The following ZNF438 variants were observed in gnomAD, a reference collection of about 807,000 sequenced individuals.
ZNF438 encodes zinc finger protein 438.
In ZNF438, 25 loss-of-function variants were observed where a neutral mutation model predicts 38.0. The observed-to-expected ratio is 0.66, with a 90% CI of 0.48 to 0.92. ZNF438 has a LOEUF of 0.92. Among genes scored for constraint, ZNF438 ranks in the 40% least tolerant of loss-of-function variants. The pLI, the probability that ZNF438 is intolerant of heterozygous loss-of-function variation, is 0.00. For missense variants in ZNF438, 1,007 were observed against 999.6 expected (o/e 1.01, Z -0.10); for synonymous variants, 372 against 364.1 (o/e 1.02, Z -0.25).
chr10:30,862,092 G>C (rs55721517), intron 4 of ZNF438, among the ~76,000 whole-genome samples: 2,454 of 152,280 alleles, frequency 0.016, 57 homozygotes, highest in African/African-American at 0.054. Context: ...ATGGTGAAAA[G>C]CAGCAGGTCA....
At chr10:30,846,640 C>T (rs559834968) in intron 5 of ZNF438, among the ~76,000 whole-genome samples, 4 of 152,324 alleles carry the variant, frequency 2.6e-5, no homozygotes, top group African/African-American at 9.6e-5. Flanking sequence ...CCAGGCACAA[C>T]TGCCTGCAGC....
chr10:31,015,911 G>C (rs2056157226), intron 1 of ZNF438, among the ~76,000 whole-genome samples: 2 of 152,130 alleles, frequency 1.3e-5, no homozygotes, highest in South Asian at 4.1e-4. Context: ...CCTTATAGGG[G>C]CACCAGTTCT....
At chr10:31,009,863 T>TTG (rs2055504175) in intron 1 of ZNF438, among the ~76,000 whole-genome samples, 1 of 135,566 alleles carries the variant, frequency 7.4e-6, no homozygotes, top group Non-Finnish European at 1.6e-5. Context: ...TTTTTTTTTT[T>TTG]GAGATGGAGT....
In ZNF438 at chr10:30,877,070, A is replaced by G. The variant is rs1401466627; in HGVS notation, c.-31-5T>C. On this transcript the variant is annotated splice_polypyrimidine_tract_variant and splice_region_variant and intron_variant, in intron 3 of 5. Coordinates refer to ENST00000413025, the Ensembl canonical transcript of ZNF438. ...TGGACTTGAATAGTATCTTTCCTAAAAATAAGCAAGCACAAATAAGTATTA... is the reference window on the plus strand; with the variant it reads ...TGGACTTGAATAGTATCTTTCCTAAGAATAAGCAAGCACAAATAAGTATTA... The G allele has an allele frequency of 6.4e-7, 1 of 1,560,296 alleles. No individual in the cohort carries two copies. The highest frequency in any genetic ancestry group is 1.2e-5 in the South Asian group (1 of 83,832).
intron 1 of ZNF438, among the ~76,000 whole-genome samples, chr10:31,013,306 G>A (rs1352706915): frequency 7.9e-5 from 12 of 151,430 alleles, no homozygotes; most frequent in Admixed American, 1.3e-4. Flanking sequence ...GCGACAGAGC[G>A]AGACTCCGTC....
At chr10:30,875,190 T>C in intron 4 of ZNF438, 7 of 936,790 alleles carry the variant, frequency 7.5e-6, no homozygotes, top group Non-Finnish European at 7.6e-6. Context: ...TATCCAAGCT[T>C]ATGTGATAGC....
chr10:30,903,291 G>A (rs985935997), intron 3 of ZNF438, among the ~76,000 whole-genome samples: 3 of 152,226 alleles, frequency 2.0e-5, no homozygotes, highest in Non-Finnish European at 4.4e-5. Flanking sequence ...CGGCCAGAAT[G>A]GATGCCAAGG....
intron 1 of ZNF438, among the ~76,000 whole-genome samples, chr10:31,004,779 G>A (rs1408185085): frequency 6.6e-6 from 1 of 152,150 alleles, no homozygotes; most frequent in Non-Finnish European, 1.5e-5. Flanking sequence ...ACTGGTAACA[G>A]AAAGGAAGTG....
At chr10:30,947,092 T>A (rs985435304) in intron 1 of ZNF438, among the ~76,000 whole-genome samples, 1 of 152,272 alleles carries the variant, frequency 6.6e-6, no homozygotes, top group African/African-American at 2.4e-5. Context: ...ATGCAAGTCC[T>A]CTGGTAGACA....
At chr10:30,912,777 T>C (rs2043213704) in intron 2 of ZNF438, among the ~76,000 whole-genome samples, 1 of 152,166 alleles carries the variant, frequency 6.6e-6, no homozygotes, top group Admixed American at 6.5e-5. Context: ...CTCAAAAATA[T>C]TGGCTATTAT....
intron 1 of ZNF438, among the ~76,000 whole-genome samples, chr10:31,031,289 C>A (rs2057277455): frequency 6.6e-6 from 1 of 152,204 alleles, no homozygotes; most frequent in South Asian, 2.1e-4. Flanking sequence ...GCTGTGGGAA[C>A]AACCATTAGG....
At chr10:30,867,935 T>C (rs2036732104) in intron 4 of ZNF438, among the ~76,000 whole-genome samples, 1 of 152,228 alleles carries the variant, frequency 6.6e-6, no homozygotes, top group South Asian at 2.1e-4. Flanking sequence ...AAACTTATCT[T>C]ACTTAAATTT....
chr10:30,960,641 C>T (rs1334234665), intron 1 of ZNF438, among the ~76,000 whole-genome samples: 1 of 146,654 alleles, frequency 6.8e-6, no homozygotes, highest in African/African-American at 2.4e-5. Flanking sequence ...GCCACGGCCA[C>T]GTTGTCCTGA....
At chr10:31,002,726 T>C (rs1175990900) in intron 1 of ZNF438, among the ~76,000 whole-genome samples, 1 of 152,156 alleles carries the variant, frequency 6.6e-6, no homozygotes, top group Non-Finnish European at 1.5e-5. Flanking sequence ...TTAATTCAGG[T>C]TCCCTTATAT....
rs372873393 is a variant in ZNF438 at position 30,849,241 on chromosome 10, C to T, written c.1164G>A (p.Lys388=). 6 of 1,613,936 alleles carry T rather than the reference C, an allele frequency of 3.7e-6. No homozygotes were observed. In the African/African-American group the frequency reaches 5.3e-5, roughly 14 times the overall value. ...GAAATGCCAAAATTTCATCTGGTAC[C>T]TTCCGTTTTCTTCCTTTTCTCTTTG... Residue 388 remains lysine (K), a synonymous_variant, in exon 5 of 6, where the codon AAG becomes AAA. Coordinates refer to ENST00000413025, the Ensembl canonical transcript of ZNF438.
chr10:31,029,326 A>ATAAT (rs2057134127), intron 1 of ZNF438, among the ~76,000 whole-genome samples: 1 of 151,718 alleles, frequency 6.6e-6, no homozygotes, highest in Non-Finnish European at 1.5e-5. Flanking sequence ...CGCTTACATA[A>ATAAT]TACTATTTTT....
At chr10:30,933,935 A>C (rs1248899482) in intron 2 of ZNF438, among the ~76,000 whole-genome samples, 1 of 152,132 alleles carries the variant, frequency 6.6e-6, no homozygotes, top group Non-Finnish European at 1.5e-5. Flanking sequence ...TCACGAGGTC[A>C]GGAGATCGAG....
At chr10:30,855,986 G>A (rs1199898354) in intron 4 of ZNF438, among the ~76,000 whole-genome samples, 1 of 152,216 alleles carries the variant, frequency 6.6e-6, no homozygotes, top group African/African-American at 2.4e-5. Context: ...GAGGTGCTTA[G>A]ACATATTTGT....
chr10:30,847,097 A>G (rs1404203360), intron 5 of ZNF438, among the ~76,000 whole-genome samples: 2 of 152,194 alleles, frequency 1.3e-5, no homozygotes, highest in Non-Finnish European at 2.9e-5. Context: ...TGCCATAAAC[A>G]GAAGCAGGGA....
Sources: allele counts gnomAD v4.1 joint callset (sites outside exome capture counted in the v4.1 genomes callset), GRCh38; gene constraint gnomAD v4.1.1; transcripts MANE v1.5; gene names NCBI Gene and HGNC (gene_info 2026-07-23, HGNC 2026-07-21).